Variants in DLGAP1 observed in about 807,000 individuals in gnomAD.
DLGAP1 encodes DLG associated protein 1, also known as disks large-associated protein 1.
DLGAP1 carries 11 observed loss-of-function variants against 90.8 expected under a neutral mutation model. The ratio of observed to expected loss-of-function variants is 0.12; its 90% CI spans 0.08 to 0.20. DLGAP1 has a LOEUF of 0.20. Ranked by LOEUF, DLGAP1 falls within the 10% of genes least tolerant of loss-of-function variation. The probability of loss-of-function intolerance (pLI) is 1.00; values close to 1 mark genes in which losing one functional copy is unlikely to be tolerated. For synonymous variants in DLGAP1, 558 were observed against 540.7 expected (o/e 1.03, Z -0.44); for missense variants, 1,050 against 1,333.8 (o/e 0.79, Z 3.31).
intron 1 of DLGAP1, among the ~76,000 whole-genome samples, chr18:4,444,274 C>A (rs280980): frequency 6.6e-6 from 1 of 152,172 alleles, no homozygotes; most frequent in Admixed American, 6.5e-5. Context: ...ATTCTGAGCA[C>A]AGTAAATTAA....
At chr18:4,340,061 C>T (rs1004566104) in intron 1 of DLGAP1, among the ~76,000 whole-genome samples, 3 of 151,980 alleles carry the variant, frequency 2.0e-5, no homozygotes, top group Non-Finnish European at 2.9e-5. Context: ...AGTACTAAAC[C>T]CTATATACAC....
chr18:3,701,069 T>G (rs1041414393), intron 7 of DLGAP1, among the ~76,000 whole-genome samples: 1 of 152,014 alleles, frequency 6.6e-6, no homozygotes, highest in African/African-American at 2.4e-5. Context: ...TTTGTTGAGG[T>G]GGGGTTGTGC....
At chr18:4,066,166 T>A (rs1598338759) in intron 2 of DLGAP1, among the ~76,000 whole-genome samples, 2 of 152,066 alleles carry the variant, frequency 1.3e-5, no homozygotes, top group Non-Finnish European at 2.9e-5. Context: ...CAACTCAAGA[T>A]GGATTAAGGA....
chr18:4,345,520 T>C (rs1323783631), intron 1 of DLGAP1, among the ~76,000 whole-genome samples: 1 of 152,178 alleles, frequency 6.6e-6, no homozygotes, highest in Non-Finnish European at 1.5e-5. Context: ...GCATCTCCAT[T>C]TTATAGGTAT....
intron 3 of DLGAP1, among the ~76,000 whole-genome samples, chr18:3,959,174 GT>G (rs955260452): frequency 4.7e-5 from 7 of 148,836 alleles, no homozygotes; most frequent in African/African-American, 7.4e-5. Context: ...AATCGCCTCA[GT>G]TTTTTTTTTG....
chr18:4,105,118 G>A (rs1275321247), intron 2 of DLGAP1, among the ~76,000 whole-genome samples: 1 of 152,178 alleles, frequency 6.6e-6, no homozygotes, highest in East Asian at 1.9e-4. Flanking sequence ...TGAGAGGAGT[G>A]GAGAGAAGCA....
intron 4 of DLGAP1, among the ~76,000 whole-genome samples, chr18:3,850,992 A>C (rs2069307122): frequency 6.6e-6 from 1 of 152,158 alleles, no homozygotes. Flanking sequence ...ACAACAAAAC[A>C]ACAATACAAC....
At chr18:4,362,572 G>A (rs1357349680) in intron 1 of DLGAP1, among the ~76,000 whole-genome samples, 6 of 152,172 alleles carry the variant, frequency 3.9e-5, no homozygotes, top group Non-Finnish European at 8.8e-5. Context: ...CAGGGGCTGG[G>A]AAGATGTGGG....
At chr18:3,803,125 C>A (rs1365369778) in intron 5 of DLGAP1, among the ~76,000 whole-genome samples, 2 of 152,082 alleles carry the variant, frequency 1.3e-5, no homozygotes, top group Non-Finnish European at 2.9e-5. Flanking sequence ...ATCAGGCTCC[C>A]AGGATGACAA....
At chr18:3,669,856 C>T (rs2060024166) in intron 7 of DLGAP1, among the ~76,000 whole-genome samples, 1 of 152,202 alleles carries the variant, frequency 6.6e-6, no homozygotes. Context: ...CTAACACAAG[C>T]TGCCTATAGG....
At chr18:4,066,845 A>T (rs1347649347) in intron 2 of DLGAP1, among the ~76,000 whole-genome samples, 1 of 152,156 alleles carries the variant, frequency 6.6e-6, no homozygotes, top group Non-Finnish European at 1.5e-5. Flanking sequence ...AAAGGAATAT[A>T]AATCATTCTA....
intron 2 of DLGAP1, among the ~76,000 whole-genome samples, chr18:4,034,739 G>A (rs2074860272): frequency 1.3e-5 from 2 of 152,096 alleles, no homozygotes; most frequent in Non-Finnish European, 2.9e-5. Flanking sequence ...ACAGACATGA[G>A]GTTTATACTT....
chr18:3,642,233 T>A (rs1188079714), intron 7 of DLGAP1, among the ~76,000 whole-genome samples: 1 of 152,244 alleles, frequency 6.6e-6, no homozygotes, highest in Non-Finnish European at 1.5e-5. Flanking sequence ...GGATTTCAGA[T>A]CTTTTTGAAT....
chr18:3,553,692 C>T (rs2053601224), intron 9 of DLGAP1, among the ~76,000 whole-genome samples: 1 of 151,658 alleles, frequency 6.6e-6, no homozygotes, highest in Non-Finnish European at 1.5e-5. Flanking sequence ...CGCCATCATG[C>T]CTGGCTAATT....
chr18:4,359,566 T>C (rs2081590250), intron 1 of DLGAP1, among the ~76,000 whole-genome samples: 1 of 152,366 alleles, frequency 6.6e-6, no homozygotes, highest in East Asian at 1.9e-4. Context: ...ATAAAACTTA[T>C]ATTAAATAAA....
chr18:4,188,657 A>C (rs1351529443), intron 1 of DLGAP1, among the ~76,000 whole-genome samples: 2 of 152,078 alleles, frequency 1.3e-5, no homozygotes, highest in Non-Finnish European at 2.9e-5. Flanking sequence ...ATTCTTTCTT[A>C]AGGCTGCATA....
chr18:3,818,612 T>G lies in DLGAP1; in HGVS notation c.958-4339A>C, dbSNP rs575169222. Among the ~76,000 whole-genome samples the G allele has an allele frequency of 1.9e-4, 29 of 151,210 alleles. No individual in the cohort carries two copies. In the South Asian group the frequency reaches 5.5e-3, roughly 29 times the overall value. ...TTGAAAGAACTATTTCAATACCTTTTTTTTTTTGAGGTGGTGTCTCGCTCT... is the reference window on the plus strand; with the variant it reads ...TTGAAAGAACTATTTCAATACCTTTGTTTTTTTGAGGTGGTGTCTCGCTCT... On this transcript the variant is annotated intron_variant, in intron 4 of 12. Coordinates refer to ENST00000315677, the MANE Select transcript of DLGAP1 (RefSeq NM_004746.4).
intron 5 of DLGAP1, among the ~76,000 whole-genome samples, chr18:3,806,225 CA>C (rs565790022): frequency 1.1e-3 from 173 of 152,222 alleles, no homozygotes; most frequent in Admixed American, 3.8e-3. Flanking sequence ...CAAAACAAAA[CA>C]AAAACAAAAA....
intron 5 of DLGAP1, among the ~76,000 whole-genome samples, chr18:3,755,132 A>G (rs547783815): frequency 2.0e-5 from 3 of 152,272 alleles, no homozygotes; most frequent in African/African-American, 7.2e-5. Flanking sequence ...CATTATGAAA[A>G]TAATTTAAAA....
Sources: allele counts gnomAD v4.1 joint callset (sites outside exome capture counted in the v4.1 genomes callset), GRCh38; gene constraint gnomAD v4.1.1; transcripts MANE v1.5; gene names NCBI Gene and HGNC (gene_info 2026-07-23, HGNC 2026-07-21).